Variants in C16orf96 observed in about 807,000 individuals in gnomAD.
C16orf96 encodes the protein chromosome 16 open reading frame 96, also known as uncharacterized protein C16orf96.
C16orf96 carries 108 observed loss-of-function variants against 103.6 expected under a neutral mutation model. The ratio of observed to expected loss-of-function variants is 1.04; its 90% CI spans 0.89 to 1.22. C16orf96 has a LOEUF of 1.22. Among genes scored for constraint, C16orf96 ranks in the 50% most tolerant of loss-of-function variants. The pLI is 0.00. For missense variants in C16orf96, 1,586 were observed against 1,464.2 expected (o/e 1.08, Z -1.36); for synonymous variants, 566 against 593.5 (o/e 0.95, Z 0.67).
rs1429071740 is a variant in C16orf96 at position 4,588,302 on chromosome 16, G to C, written c.2563G>C (p.Glu855Gln). The change falls in exon 9 of 16, where the codon GAG becomes CAG. Residue 855 changes from glutamate (E) to glutamine (Q), a missense_variant. Glu to Gln is a conservative substitution (Grantham distance 29, BLOSUM62 2). Coordinates refer to ENST00000444310, the MANE Select transcript of C16orf96 (RefSeq NM_001145011.2). Reference sequence around the variant, plus strand: ...TGAGGACAGCTGGAAGAAGGCTATGGAGGAGCTCAGCAAGGACGTGAACAC... The same window carrying C: ...TGAGGACAGCTGGAAGAAGGCTATGCAGGAGCTCAGCAAGGACGTGAACAC... ...IHEDSWKKAM[E>Q]ELSKDVNTKL... The C allele has an allele frequency of 2.6e-6, 4 of 1,551,522 alleles. No homozygotes were observed. The highest frequency in any genetic ancestry group is 3.5e-6 in the Non-Finnish European group (4 of 1,146,920).
At chr16:4,590,692 G>A (rs1897037024) in intron 9 of C16orf96, among the ~76,000 whole-genome samples, 2 of 151,750 alleles carry the variant, frequency 1.3e-5, no homozygotes, top group South Asian at 2.1e-4. Flanking sequence ...AGACCAGCCT[G>A]GCCAATATGG....
At chr16:4,580,341 G>C (rs2430662) in intron 7 of C16orf96, among the ~76,000 whole-genome samples, 132,674 of 138,972 alleles carry the variant, frequency 0.95, 63,632 homozygotes, top group East Asian at 1. Context: ...CAGAAGGGCC[G>C]GGACAATGTT....
At chr16:4,559,961 T>G (rs1442699278) in intron 1 of C16orf96, 1 of 152,172 alleles carries the variant, frequency 6.6e-6, no homozygotes, top group African/African-American at 2.4e-5. Context: ...TGAAGTGTCT[T>G]GGAAGTAGAT....
At chr16:4,588,723 T>TC (rs1896988042) in intron 9 of C16orf96, among the ~76,000 whole-genome samples, 1 of 145,528 alleles carries the variant, frequency 6.9e-6, no homozygotes, top group Non-Finnish European at 1.5e-5. Context: ...TTTTTTTTTT[T>TC]TTCATACAGG....
chr16:4,578,933 C>T lies in C16orf96; in HGVS notation c.2156-7C>T. 6.4e-7 allele frequency: 1 copy of T among 1,551,136 alleles called. No homozygotes were observed. Among genetic ancestry groups the T allele is most frequent in the Non-Finnish European group, 8.7e-7 (1 of 1,146,656 alleles). On this transcript the variant is annotated splice_polypyrimidine_tract_variant and splice_region_variant and intron_variant, in intron 5 of 15. Transcript: ENST00000444310. The stretch of plus-strand genomic sequence containing the variant: ...CCCTCAGCAGCCACCCTGTCCTCTG[C>T]TTTCAGCCAATATGGGAGGTCCTTC...
intron 2 of C16orf96, among the ~76,000 whole-genome samples, chr16:4,573,476 G>A (rs1382044296): frequency 6.7e-6 from 1 of 149,012 alleles, no homozygotes; most frequent in Non-Finnish European, 1.5e-5. Flanking sequence ...TCGGTGGGGC[G>A]GCATGGTGGT....
chr16:4,586,216 C>T (rs552210392), intron 7 of C16orf96, among the ~76,000 whole-genome samples: 5 of 152,068 alleles, frequency 3.3e-5, no homozygotes, highest in South Asian at 4.1e-4. Flanking sequence ...GCCGAAATGG[C>T]GCCACTGCAC....
At chr16:4,589,603 A>G (rs74902163) in intron 9 of C16orf96, among the ~76,000 whole-genome samples, 2 of 136,882 alleles carry the variant, frequency 1.5e-5, no homozygotes, top group African/African-American at 6.3e-5. Context: ...CTATCTCACA[A>G]AAAAAAAAAA....
chr16:4,584,596 G>A (rs139571535), intron 7 of C16orf96, among the ~76,000 whole-genome samples: 54 of 151,888 alleles, frequency 3.6e-4, no homozygotes, highest in Admixed American at 5.3e-4. Context: ...GTGCAATGGC[G>A]CAATCTTGGC....
chr16:4,550,948 A>T, the C16orf96 span, among the ~76,000 whole-genome samples: 1 of 152,198 alleles, frequency 6.6e-6, no homozygotes, highest in Admixed American at 6.5e-5. Flanking sequence ...ATTTGTTTGA[A>T]TCATTGCAGA....
intron 1 of C16orf96, among the ~76,000 whole-genome samples, chr16:4,562,122 A>G (rs1048106395): frequency 6.6e-6 from 1 of 152,176 alleles, no homozygotes; most frequent in African/African-American, 2.4e-5. Flanking sequence ...AGCTTCATCA[A>G]CATTAACTGG....
At chr16:4,558,216 C>G (rs1159756387) in intron 1 of C16orf96, among the ~76,000 whole-genome samples, 1 of 152,246 alleles carries the variant, frequency 6.6e-6, no homozygotes, top group Non-Finnish European at 1.5e-5. Flanking sequence ...GAGCTGCGCG[C>G]TGAGGCGTGG....
At chr16:4,564,195 G>C (rs184036737) in intron 1 of C16orf96, among the ~76,000 whole-genome samples, 1 of 152,114 alleles carries the variant, frequency 6.6e-6, no homozygotes, top group South Asian at 2.1e-4. Context: ...AAAGATTAGT[G>C]GTAACTGGTT....
At chr16:4,543,313 T>C in the C16orf96 span, among the ~76,000 whole-genome samples, 1 of 152,100 alleles carries the variant, frequency 6.6e-6, no homozygotes, top group Admixed American at 6.6e-5. Flanking sequence ...CAAGCAGTTC[T>C]GTATGGTTGG....
At chr16:4,563,703 G>A (rs986684397) in intron 1 of C16orf96, among the ~76,000 whole-genome samples, 1 of 151,776 alleles carries the variant, frequency 6.6e-6, no homozygotes, top group South Asian at 2.1e-4. Context: ...TGAGTAACTG[G>A]GATTACAAGC....
intron 8 of C16orf96, 65 bp from the exon 9 acceptor site, chr16:4,588,102 T>C: frequency 1.3e-6 from 2 of 1,496,092 alleles, no homozygotes; most frequent in Non-Finnish European, 1.8e-6. Flanking sequence ...AGGGGTGTGA[T>C]GTCTCCCAGC....
chr16:4,542,669 G>C, the C16orf96 span, among the ~76,000 whole-genome samples: 2 of 151,182 alleles, frequency 1.3e-5, no homozygotes, highest in Non-Finnish European at 3.0e-5. Context: ...ATGGTGGCAG[G>C]CGCCTGTAAT....
chr16:4,567,280 C>CTTTTTTTTTTTT (rs71139642), intron 1 of C16orf96, among the ~76,000 whole-genome samples: 11 of 62,602 alleles, frequency 1.8e-4, no homozygotes, highest in African/African-American at 3.0e-4. Flanking sequence ...TATTTCTTTT[C>CTTTTTTTTTTTT]TTTTTTTTTT....
chr16:4,586,980 T>G, intron 7 of C16orf96, 59 bp from the exon 8 acceptor site: 4 of 1,472,352 alleles, frequency 2.7e-6, no homozygotes, highest in South Asian at 1.2e-5. Flanking sequence ...GGTGGGAGGT[T>G]GACATTTTAT....
Sources: gnomAD v4.1 joint callset for allele counts (sites outside exome capture counted in the v4.1 genomes callset) on GRCh38, gnomAD v4.1.1 for gene constraint, MANE v1.5 for transcripts, NCBI Gene and HGNC (gene_info 2026-07-23, HGNC 2026-07-21) for gene names.